The following MEX3B variants were observed in gnomAD, a reference collection of about 807,000 sequenced individuals.
MEX3B encodes mex-3 RNA binding family member B, also known as RNA-binding protein MEX3B.
In MEX3B, 10 loss-of-function variants were observed where a neutral mutation model predicts 12.2. That is an observed-to-expected ratio of 0.82 (90% CI 0.51 to 1.40). The LOEUF (loss-of-function observed/expected upper bound fraction) is 1.40. MEX3B is among the 40% of genes most tolerant of loss of function. The pLI is 0.00. For synonymous variants in MEX3B, 498 were observed against 356.3 expected (o/e 1.40, Z -4.48); for missense variants, 839 against 801.4 (o/e 1.05, Z -0.57).
At position 82,043,765 on chromosome 15, in the gene MEX3B, G is replaced by A; in HGVS notation, c.1105C>T (p.Pro369Ser). 2 of 1,570,844 alleles carry A rather than the reference G, an allele frequency of 1.3e-6. No homozygotes were observed. The highest frequency in any genetic ancestry group is 1.7e-6 in the Non-Finnish European group (2 of 1,159,934). ...CAGATAAGTGGTGCCCCAGGTGGGG[G>A]AGCGGGAGCCGGGTCAAAAGTGGGC... is the stretch of plus-strand genomic sequence containing the variant. ...LQPTFDPAPAPPPGAPLIWAQ... is the reference protein window; with the variant it reads ...LQPTFDPAPASPPGAPLIWAQ... The change falls in exon 2 of 2, where the codon CCC becomes TCC. Residue 369 changes from proline (P) to serine (S), a missense_variant. Around this residue, in one of 3 missense-constraint regions of MEX3B, gnomAD observed 573 missense variants for 488.9 expected, o/e 1.17. Transcript: ENST00000329713.
At position 82,043,127 on chromosome 15, in the gene MEX3B, C is replaced by G; in HGVS notation, c.*33G>C. 6.7e-7 allele frequency: 1 copy of G among 1,492,746 alleles called. No individual in the cohort carries two copies. The highest frequency in any genetic ancestry group is 1.4e-5 in the South Asian group (1 of 73,286). 92.5% of individuals were successfully genotyped at this position (1,492,746 alleles called of 1,614,324 possible). ...GGTGGGGAGGGGTTCCCCCTTCCCC[C>G]AGCACGGTGCGCACTAGCAGCGCCC... On this transcript the variant is annotated 3_prime_UTR_variant, in exon 2 of 2. Coordinates refer to ENST00000329713, the MANE Select transcript of MEX3B (RefSeq NM_032246.6).
Position 82,043,584 on chromosome 15 carries a change from T to G in MEX3B, c.1286A>C (p.His429Pro), listed in dbSNP as rs756383094. The change falls in exon 2 of 2, where the codon CAC becomes CCC. Residue 429 changes from histidine to proline, a missense_variant. By Grantham distance (77) the His-to-Pro change is moderately conservative. Coordinates refer to ENST00000329713, the MANE Select transcript of MEX3B (RefSeq NM_032246.6). ...PSNANLGLLV[H>P]RRLHPGTSCP... Reference sequence around the variant, plus strand: ...GCTGGTGCCAGGGTGCAGCCGGCGGTGCACCAATAGCCCCAGGTTGGCGTT... The same window carrying G: ...GCTGGTGCCAGGGTGCAGCCGGCGGGGCACCAATAGCCCCAGGTTGGCGTT... The G allele has an allele frequency of 6.4e-7, 1 of 1,574,120 alleles. No homozygotes were observed. The highest frequency in any genetic ancestry group is 8.6e-7 in the Non-Finnish European group (1 of 1,161,874).
At position 82,043,662 on chromosome 15, in the gene MEX3B, G is replaced by C. The variant is rs1341803966; in HGVS notation, c.1208C>G (p.Ser403Cys). The change falls in exon 2 of 2, where the codon TCT (serine) becomes TGT (cysteine). Residue 403 changes from serine to cysteine, a missense_variant. This residue lies in a region of MEX3B where 573 missense variants were observed against 488.9 expected (regional missense o/e 1.17). Coordinates refer to ENST00000329713, the MANE Select transcript of MEX3B (RefSeq NM_032246.6). ...SSSCSSSASS[S>C]ASSSSVVFPG... Reference sequence around the variant, plus strand: ...GAAGACCACGGAGGAGGAAGAAGCAGACGAAGATGCAGAAGAAGAGCAGGA... The same window carrying C: ...GAAGACCACGGAGGAGGAAGAAGCACACGAAGATGCAGAAGAAGAGCAGGA... The C allele has an allele frequency of 6.2e-7, 1 of 1,611,192 alleles. No individual in the cohort carries two copies.
In MEX3B at chr15:82,042,872, G is replaced by T; in HGVS notation, c.*288C>A. ...TAAAAACTATCATTACTAGAATGTC[G>T]CCGTTCCTATTATTTATAGAGCATG... On this transcript the variant is annotated 3_prime_UTR_variant, in exon 2 of 2. Transcript: ENST00000329713. 1 of 277,040 alleles carries T rather than the reference G, an allele frequency of 3.6e-6. No homozygotes were observed. The highest frequency in any genetic ancestry group is 5.1e-5 in the Admixed American group (1 of 19,704). The allele number at this position is 277,040 out of a possible 1,614,324, so 17.2% of individuals were successfully genotyped here.
In MEX3B at chr15:82,043,643, C is replaced by T; in HGVS notation, c.1227G>A (p.Val409=). 2 of 1,609,252 alleles carry T rather than the reference C, an allele frequency of 1.2e-6. No individual in the cohort carries two copies. Among genetic ancestry groups the T allele is most frequent in the Non-Finnish European group, 1.7e-6 (2 of 1,177,960 alleles). Reference sequence around the variant, plus strand: ...CACTGGCGCCACCCCCGGGGAAGACCACGGAGGAGGAAGAAGCAGACGAAG... The same window carrying T: ...CACTGGCGCCACCCCCGGGGAAGACTACGGAGGAGGAAGAAGCAGACGAAG... The part of the protein sequence containing the change: ...SASSSASSSS[V]VFPGGGASAP... Residue 409 remains valine, a synonymous_variant, in exon 2 of 2, where the codon GTG becomes GTA. Transcript: ENST00000329713.
rs1383087455 is a variant in MEX3B, at chr15:82,044,171, A to G, written c.699T>C (p.Ile233=). The G allele has an allele frequency of 6.2e-7, 1 of 1,613,986 alleles. No individual in the cohort carries two copies. Among genetic ancestry groups the G allele is most frequent in the East Asian group, 2.2e-5 (1 of 44,868 alleles). ...GGAAGTCGTTCTCGTCTGTGAGCTC[A>G]ATGATGCCGCCGGTACGCAGAGCAA... is the stretch of plus-strand genomic sequence containing the variant. ...AHIALRTGGI[I]ELTDENDFHA... The change falls in exon 2 of 2, where the codon ATT becomes ATC. Residue 233 remains isoleucine, a synonymous_variant. Coordinates refer to ENST00000329713, the MANE Select transcript of MEX3B (RefSeq NM_032246.6). This position sits in a 1 kb window ranked among gnomAD's most constrained non-coding sequence, Gnocchi z 5.3.
rs2073224616 is a variant in MEX3B, at chr15:82,042,339, C to T, written c.*821G>A. 1 of 152,574 alleles carries T rather than the reference C, an allele frequency of 6.6e-6. No individual in the cohort carries two copies. The highest frequency in any genetic ancestry group is 2.4e-5 in the African/African-American group (1 of 41,438). The allele number at this position is 152,574 out of a possible 1,614,324, so 9.5% of individuals were successfully genotyped here. A position where few individuals can be genotyped will look rare whatever the true frequency, so the allele number is the denominator to read the frequency against. On this transcript the variant is annotated 3_prime_UTR_variant, in exon 2 of 2. Transcript: ENST00000329713. ...CATTACACATTTTATGGTTGTAATT[C>T]CGTCACAATTGTGTGATTATTAAAA... is the stretch of plus-strand genomic sequence containing the variant.
At chr15:82,045,235 G>A (rs1348175405) in intron 1 of MEX3B, 6 of 677,194 alleles carry the variant, frequency 8.9e-6, no homozygotes, top group Admixed American at 4.3e-5. Flanking sequence ...GATTTTAGCA[G>A]AAGAAAGTGC....
chr15:82,045,145 G>A (rs951346360), intron 1 of MEX3B: 2 of 607,192 alleles, frequency 3.3e-6, no homozygotes, highest in Middle Eastern at 3.4e-4. Flanking sequence ...CTGATCAAAG[G>A]CCCCCTCCCC....
Position 82,043,120 on chromosome 15 carries a change from C to A in MEX3B, c.*40G>T, listed in dbSNP as rs770165915. The A allele has an allele frequency of 5.5e-6, 8 of 1,445,598 alleles. No individual in the cohort carries two copies. Among genetic ancestry groups the A allele is most frequent in the Non-Finnish European group, 7.3e-6 (8 of 1,100,966 alleles). 89.5% of individuals were successfully genotyped at this position (1,445,598 alleles called of 1,614,324 possible). ...GAAAGAGGGTGGGGAGGGGTTCCCC[C>A]TTCCCCCAGCACGGTGCGCACTAGC... On this transcript the variant is annotated 3_prime_UTR_variant, in exon 2 of 2. Coordinates refer to ENST00000329713, the MANE Select transcript of MEX3B (RefSeq NM_032246.6).
At chr15:82,045,018 G>A (rs2073247946) in intron 1 of MEX3B, 1 of 588,716 alleles carries the variant, frequency 1.7e-6, no homozygotes, top group African/African-American at 1.9e-5. Flanking sequence ...GGGGTAGGGG[G>A]TGGGGTGTGA....
In MEX3B at chr15:82,045,478, C is replaced by T. The variant is rs1291884533; in HGVS notation, c.228G>A (p.Glu76=). 8 of 1,612,024 alleles carry T rather than the reference C, an allele frequency of 5.0e-6. No individual in the cohort carries two copies. Among genetic ancestry groups the T allele is most frequent in the Non-Finnish European group, 6.8e-6 (8 of 1,179,786 alleles). Residue 76 remains glutamate (E), a synonymous_variant, in exon 1 of 2, where the codon GAG becomes GAA. Transcript: ENST00000329713. ...GCCGCCCCACGATCTCGGCGACATG[C>T]TCAGAACTGGGTACTGGCACGCACT... ...MTECVPVPSS[E]HVAEIVGRQG... is the part of the protein sequence containing the mutation.
At position 82,045,272 on chromosome 15, in the gene MEX3B, C is replaced by T. The variant is rs778064581; in HGVS notation, c.256+178G>A. ...TCCCGCCAGGGCAGCGGCGCGGCTC[C>T]GGGAGACAGCCTGCCTGCACTTTCT... On this transcript the variant is annotated intron_variant, in intron 1 of 1. Transcript: ENST00000329713. 19 of 796,144 alleles carry T rather than the reference C, an allele frequency of 2.4e-5. 1 individual carries two copies. Among genetic ancestry groups the T allele is most frequent in the South Asian group, 2.2e-4 (15 of 67,352 alleles). The allele number at this position is 796,144 out of a possible 1,614,324, so 49.3% of individuals were successfully genotyped here. A position where few individuals can be genotyped will look rare whatever the true frequency, so the allele number is the denominator to read the frequency against.
rs765989403 is a variant in MEX3B at position 82,043,371 on chromosome 15, G to A, written c.1499C>T (p.Ser500Phe). The A allele has an allele frequency of 1.3e-6, 2 of 1,589,734 alleles. No individual in the cohort carries two copies. Among genetic ancestry groups the A allele is most frequent in the Non-Finnish European group, 1.7e-6 (2 of 1,168,122 alleles). Residue 500 changes from serine to phenylalanine, a missense_variant, in exon 2 of 2, where the codon TCC becomes TTC. Around this residue, in one of 3 missense-constraint regions of MEX3B, gnomAD observed 573 missense variants for 488.9 expected, o/e 1.17. Transcript: ENST00000329713. ...GGAGGAAGAGGATGAAGAGCTGGAG[G>A]AGGAGCTGGACGAAGAGGAGGAGCC... ...TSGSSSSSSS[S>F]SSSSSSSSGL...
chr15:82,044,052 G>A lies in MEX3B; in HGVS notation c.818C>T (p.Thr273Met). ...GAAAGGCTTGCGGCCGGGGGTGGGC[G>A]TGATGCTGGGGGTGGGCTTGCTCCA... ...SLWSKPTPSI[T>M]PTPGRKPFSS... The change falls in exon 2 of 2, where the codon ACG (threonine) becomes ATG (methionine). Residue 273 changes from threonine to methionine, a missense_variant. This residue lies in a region of MEX3B where 573 missense variants were observed against 488.9 expected (regional missense o/e 1.17). Transcript: ENST00000329713. This position sits in a 1 kb window ranked among gnomAD's most constrained non-coding sequence, Gnocchi z 5.3. 1.9e-6 allele frequency: 3 copies of A among 1,605,932 alleles called. No individual in the cohort carries two copies. Among genetic ancestry groups the A allele is most frequent in the Non-Finnish European group, 2.5e-6 (3 of 1,178,530 alleles).
Position 82,044,258 on chromosome 15 carries a change from C to A in MEX3B, c.612G>T (p.Val204=), listed in dbSNP as rs180699460. 5.3e-5 allele frequency: 86 copies of A among 1,614,006 alleles called. No individual in the cohort carries two copies. The East Asian group carries it at 1.9e-3, about 35-fold the overall frequency. Residue 204 remains valine, a synonymous_variant, in exon 2 of 2, where the codon GTG becomes GTT. Coordinates refer to ENST00000329713, the MANE Select transcript of MEX3B (RefSeq NM_032246.6). The surrounding 1 kb of genome is among the most constrained non-coding windows in gnomAD (Gnocchi z 5.3). Reference sequence around the variant, plus strand: ...TCTCTGGCATGCCGGTCACCTCGAACACCGGCTCCTTATCCCGGCTGGGCG... The same window carrying A: ...TCTCTGGCATGCCGGTCACCTCGAAAACCGGCTCCTTATCCCGGCTGGGCG... ...IVTPSRDKEP[V]FEVTGMPENV...
In MEX3B at chr15:82,044,435, C is replaced by A; in HGVS notation, c.435G>T (p.Thr145=). Residue 145 remains threonine (T), a synonymous_variant, in exon 2 of 2, where the codon ACG becomes ACT. Transcript: ENST00000329713. The surrounding 1 kb of genome is among the most constrained non-coding windows in gnomAD (Gnocchi z 5.3). ...SMIRASRNKN[T]ALNGAVPGPP... ...GCCCAGGCACCGCGCCGTTGAGTGC[C>A]GTGTTCTTATTCCGGGAGGCGCGGA... 3.1e-6 allele frequency: 5 copies of A among 1,612,888 alleles called. No homozygotes were observed. Among genetic ancestry groups the A allele is most frequent in the Non-Finnish European group, 4.2e-6 (5 of 1,179,952 alleles).
chr15:82,043,768 C>A lies in MEX3B; in HGVS notation c.1102G>T (p.Ala368Ser). ...ELQPTFDPAP[A>S]PPPGAPLIWA... ...ATAAGTGGTGCCCCAGGTGGGGGAGCGGGAGCCGGGTCAAAAGTGGGCTGC... is the reference window on the plus strand; with the variant it reads ...ATAAGTGGTGCCCCAGGTGGGGGAGAGGGAGCCGGGTCAAAAGTGGGCTGC... The change falls in exon 2 of 2, where the codon GCT becomes TCT. Residue 368 changes from alanine to serine, a missense_variant. By Grantham distance (99) the Ala-to-Ser change is moderately conservative. Coordinates refer to ENST00000329713, the MANE Select transcript of MEX3B (RefSeq NM_032246.6). 6.4e-7 allele frequency: 1 copy of A among 1,567,572 alleles called. No homozygotes were observed. Among genetic ancestry groups the A allele is most frequent in the Non-Finnish European group, 8.6e-7 (1 of 1,158,952 alleles).
chr15:82,045,670 G>A lies in MEX3B; in HGVS notation c.36C>T (p.Asn12=), dbSNP rs752858019. The change falls in exon 1 of 2, where the codon AAC becomes AAT. Residue 12 remains asparagine (N), a synonymous_variant. Coordinates refer to ENST00000329713, the MANE Select transcript of MEX3B (RefSeq NM_032246.6). ...PSSLFADLER[N]GSGGGGGGSS... ...TGCCGCCGCCGCCGCCGCCGCTGCCGTTGCGCTCCAGGTCTGCGAACAGCG... is the reference window on the plus strand; with the variant it reads ...TGCCGCCGCCGCCGCCGCCGCTGCCATTGCGCTCCAGGTCTGCGAACAGCG... The A allele has an allele frequency of 1.2e-5, 19 of 1,552,628 alleles. No individual in the cohort carries two copies. In the East Asian group the frequency reaches 3.1e-4, roughly 25 times the overall value.
Sources: gnomAD v4.1 joint callset for allele counts on GRCh38, gnomAD v4.1.1 for gene constraint, gnomAD v4.1.1 regional missense constraint, Gnocchi (gnomAD v3.1) non-coding constraint, MANE v1.5 for transcripts, NCBI Gene and HGNC (gene_info 2026-07-23, HGNC 2026-07-21) for gene names.